The following DLGAP1 variants were observed in gnomAD, a reference collection of about 807,000 sequenced individuals.
DLGAP1 encodes the protein DLG associated protein 1, also known as disks large-associated protein 1.
In DLGAP1, 11 loss-of-function variants were observed where a neutral mutation model predicts 90.8. That is an observed-to-expected ratio of 0.12 (90% confidence interval 0.08 to 0.20). The LOEUF (loss-of-function observed/expected upper bound fraction) is 0.20, where lower values mean the gene tolerates loss of function less well. Among genes scored for constraint, DLGAP1 ranks in the 10% least tolerant of loss-of-function variants. The pLI, the probability that DLGAP1 is intolerant of heterozygous loss-of-function variation, is 1.00. For synonymous variants in DLGAP1, 558 were observed against 540.7 expected (o/e 1.03, Z -0.44); for missense variants, 1,050 against 1,333.8 (o/e 0.79, Z 3.31).
intron 6 of DLGAP1, among the ~76,000 whole-genome samples, chr18:3,741,356 A>ACATCAC (rs2063034042): frequency 7.7e-6 from 1 of 129,374 alleles, no homozygotes; most frequent in Non-Finnish European, 1.6e-5. Context: ...CACCACCACC[A>ACATCAC]CATCACCATC....
At chr18:3,647,008 A>G (rs62083217) in intron 7 of DLGAP1, among the ~76,000 whole-genome samples, 29,538 of 151,946 alleles carry the variant, frequency 0.19, 3,038 homozygotes, top group African/African-American at 0.21. Flanking sequence ...CAGCACTTTG[A>G]GAGGCTGAGG....
chr18:4,382,802 A>ACTTTAGG (rs1183073703), intron 1 of DLGAP1, among the ~76,000 whole-genome samples: 4 of 152,154 alleles, frequency 2.6e-5, no homozygotes, highest in Admixed American at 2.6e-4. Context: ...TCAGTATACT[A>ACTTTAGG]CTTTAGGCAT....
At chr18:4,159,659 T>C (rs2076812835) in intron 1 of DLGAP1, among the ~76,000 whole-genome samples, 1 of 152,134 alleles carries the variant, frequency 6.6e-6, no homozygotes. Context: ...AAATGTGGGT[T>C]GAATGTAAAA....
chr18:3,559,369 AG>A (rs1484002072), intron 9 of DLGAP1, among the ~76,000 whole-genome samples: 2 of 152,180 alleles, frequency 1.3e-5, no homozygotes, highest in African/African-American at 2.4e-5. Context: ...AAATGGGAAA[AG>A]GGTTAAACTG....
intron 4 of DLGAP1, among the ~76,000 whole-genome samples, 193 bp downstream of exon 4, chr18:3,878,919 G>A (rs991188959): frequency 7.2e-5 from 11 of 152,124 alleles, no homozygotes; most frequent in Non-Finnish European, 5.9e-5. Context: ...AAGATAACCC[G>A]GTGAGGTCGG....
intron 3 of DLGAP1, among the ~76,000 whole-genome samples, chr18:3,925,823 G>A (rs778904788): frequency 1.3e-5 from 2 of 152,106 alleles, no homozygotes; most frequent in Non-Finnish European, 2.9e-5. Flanking sequence ...CTATCCTCAG[G>A]CTAATGGCCA....
At chr18:4,058,882 A>C (rs2075261262) in intron 2 of DLGAP1, among the ~76,000 whole-genome samples, 1 of 152,218 alleles carries the variant, frequency 6.6e-6, no homozygotes, top group South Asian at 2.1e-4. Context: ...AATCTGAGAA[A>C]AGAGACAATC....
intron 1 of DLGAP1, among the ~76,000 whole-genome samples, chr18:4,451,844 TTAAAA>T (rs887322059): frequency 5.3e-5 from 8 of 152,106 alleles, no homozygotes; most frequent in African/African-American, 1.9e-4. Flanking sequence ...TAGTGTTTCT[TTAAAA>T]TAAAAAAAAT....
chr18:4,417,198 A>C (rs2082919801), intron 1 of DLGAP1, among the ~76,000 whole-genome samples: 1 of 152,298 alleles, frequency 6.6e-6, no homozygotes, highest in Non-Finnish European at 1.5e-5. Flanking sequence ...CACTGGTTGC[A>C]GAGAATCCAG....
intron 4 of DLGAP1, among the ~76,000 whole-genome samples, chr18:3,837,849 CAAAAAAAAAAAAA>C (rs5822770): frequency 0.014 from 377 of 26,840 alleles, 6 homozygotes; most frequent in African/African-American, 0.051. Context: ...GAGATTCTGT[CAAAAAAAAAAAAA>C]AAAAAAAAAA....
chr18:4,064,253 T>C (rs2075339820), intron 2 of DLGAP1, among the ~76,000 whole-genome samples: 1 of 152,006 alleles, frequency 6.6e-6, no homozygotes, highest in South Asian at 2.1e-4. Context: ...CAAAACTATA[T>C]ATATATGTAG....
At chr18:3,650,411 G>T (rs2059255755) in intron 7 of DLGAP1, among the ~76,000 whole-genome samples, 1 of 152,106 alleles carries the variant, frequency 6.6e-6, no homozygotes, top group African/African-American at 2.4e-5. Flanking sequence ...ACAGCTTGAG[G>T]CCAGCAGTTC....
chr18:4,119,100 TA>T (rs756939025), intron 2 of DLGAP1, among the ~76,000 whole-genome samples: 5 of 149,304 alleles, frequency 3.3e-5, no homozygotes, highest in South Asian at 2.2e-4. Flanking sequence ...TATTTTATTT[TA>T]TTTTTTTTGA....
chr18:4,089,496 C>A (rs1481373137), intron 2 of DLGAP1, among the ~76,000 whole-genome samples: 1 of 152,112 alleles, frequency 6.6e-6, no homozygotes, highest in East Asian at 1.9e-4. Context: ...ATAGCCAAGA[C>A]AATCCTAAGC....
Position 4,068,159 on chromosome 18 carries a change from A to G in DLGAP1, c.-158-62958T>C, listed in dbSNP as rs565565168. ...TTACCATATGGCATACTATATACAC[A>G]CTAATCTTCTCTCTTTTTATTCAAT... On this transcript the variant is annotated intron_variant, in intron 2 of 12. Transcript: ENST00000315677. 2.6e-5 allele frequency among the ~76,000 whole-genome samples: 4 copies of G among 152,038 alleles called. No individual in the cohort carries two copies. The East Asian group carries it at 7.7e-4, about 29-fold the overall frequency.
At chr18:4,121,783 A>G (rs542245433) in intron 2 of DLGAP1, among the ~76,000 whole-genome samples, 17 of 152,276 alleles carry the variant, frequency 1.1e-4, no homozygotes, top group African/African-American at 3.6e-4. Context: ...TTTCCTTATC[A>G]TGCTTTAACA....
intron 7 of DLGAP1, among the ~76,000 whole-genome samples, chr18:3,699,493 G>A (rs1029627479): frequency 6.6e-6 from 1 of 152,182 alleles, no homozygotes; most frequent in Admixed American, 6.5e-5. Flanking sequence ...AAAGATTGCT[G>A]TTCTTTCCTC....
At chr18:4,448,794 C>T (rs2083734796) in intron 1 of DLGAP1, among the ~76,000 whole-genome samples, 1 of 152,166 alleles carries the variant, frequency 6.6e-6, no homozygotes, top group Admixed American at 6.5e-5. Context: ...GGCTGTGATT[C>T]CACATCAGTA....
intron 2 of DLGAP1, among the ~76,000 whole-genome samples, chr18:4,108,031 T>C (rs1276706315): frequency 2.0e-5 from 3 of 152,060 alleles, no homozygotes; most frequent in Non-Finnish European, 2.9e-5. Flanking sequence ...CATCTCTGAC[T>C]TTCTCCTATT....
Sources: gnomAD v4.1 joint callset for allele counts (sites outside exome capture counted in the v4.1 genomes callset) on GRCh38, gnomAD v4.1.1 for gene constraint, MANE v1.5 for transcripts, NCBI Gene and HGNC (gene_info 2026-07-23, HGNC 2026-07-21) for gene names.